Variants in TXNRD1 observed in about 807,000 individuals in gnomAD.
The protein encoded by TXNRD1 is thioredoxin reductase 1, cytoplasmic.
Under a neutral mutation model 80.3 loss-of-function variants are expected in TXNRD1, and 57 were observed. The observed-to-expected ratio is 0.71, with a 90% CI of 0.57 to 0.89. The LOEUF is 0.89. Among genes scored for constraint, TXNRD1 ranks in the 40% least tolerant of loss-of-function variants. The pLI is 0.00. For missense variants in TXNRD1, 730 were observed against 803.0 expected, an observed-to-expected ratio of 0.91 and a Z score of 1.10; for synonymous variants, 291 against 285.2, an observed-to-expected ratio of 1.02 and a Z score of -0.20.
intron 1 of TXNRD1, chr12:104,224,888 G>A (rs1451974892): frequency 2.2e-6 from 1 of 456,592 alleles, no homozygotes; most frequent in Non-Finnish European, 4.4e-6. Context: ...CTACAAATGG[G>A]ACATCTCAGG....
At chr12:104,252,885 G>T (rs1286591567) in intron 2 of TXNRD1, among the ~76,000 whole-genome samples, 1 of 150,630 alleles carries the variant, frequency 6.6e-6, no homozygotes, top group African/African-American at 2.4e-5. Flanking sequence ...TGTATTTTTA[G>T]TACAGACGGG....
chr12:104,235,461 G>T (rs2032719010), intron 1 of TXNRD1, among the ~76,000 whole-genome samples: 1 of 152,156 alleles, frequency 6.6e-6, no homozygotes, highest in Non-Finnish European at 1.5e-5. Flanking sequence ...CTTTAAAGAA[G>T]AACTCACTGT....
At chr12:104,248,221 G>A (rs1360343529) in intron 1 of TXNRD1, among the ~76,000 whole-genome samples, 1 of 151,752 alleles carries the variant, frequency 6.6e-6, no homozygotes, top group Non-Finnish European at 1.5e-5. Flanking sequence ...TAAAGTATAT[G>A]CATATATGTG....
chr12:104,262,777 T>TG (rs1242098698), intron 3 of TXNRD1, among the ~76,000 whole-genome samples: 6 of 93,722 alleles, frequency 6.4e-5, no homozygotes, highest in Admixed American at 6.3e-4. Context: ...GACTTGTTTG[T>TG]GTTTTTTTTT....
At chr12:104,267,202 T>C (rs1265586219) in intron 3 of TXNRD1, among the ~76,000 whole-genome samples, 1 of 149,950 alleles carries the variant, frequency 6.7e-6, no homozygotes, top group African/African-American at 2.4e-5. Flanking sequence ...TTAATAATAA[T>C]AGGAAGAAAC....
rs770219436 is a variant in TXNRD1, at chr12:104,258,044, G to T, written c.269G>T (p.Cys90Phe). The T allele has an allele frequency of 3.6e-5, 56 of 1,552,784 alleles. No homozygotes were observed. Among genetic ancestry groups the T allele is most frequent in the Non-Finnish European group, 3.8e-5 (44 of 1,147,624 alleles). ...TEVKKLFKSL[C>F]VPYFVLELDQ... is the part of the protein sequence containing the mutation. ...GTAAAGAAGTTATTTAAATCTCTGT[G>T]TGTTCCTTATTTTGTGCTTGAACTT... The change falls in exon 3 of 17, where the codon TGT becomes TTT. Residue 90 changes from cysteine to phenylalanine, a missense_variant. Physicochemically the swap from Cys to Phe is radical, Grantham distance 205 (BLOSUM62 -2). Coordinates refer to ENST00000525566, the MANE Select transcript of TXNRD1 (RefSeq NM_001093771.3).
At chr12:104,320,530 T>G (rs1413750864) in intron 9 of TXNRD1, among the ~76,000 whole-genome samples, 1 of 152,190 alleles carries the variant, frequency 6.6e-6, no homozygotes, top group Non-Finnish European at 1.5e-5. Context: ...TTCCAATATT[T>G]TTTAAAAACT....
chr12:104,273,604 C>T (rs548902982), intron 3 of TXNRD1, among the ~76,000 whole-genome samples: 1 of 151,674 alleles, frequency 6.6e-6, no homozygotes, highest in African/African-American at 2.4e-5. Context: ...AAAGAACAAA[C>T]ATACAAACAA....
chr12:104,231,489 A>G (rs2032623493), intron 1 of TXNRD1, among the ~76,000 whole-genome samples: 1 of 152,214 alleles, frequency 6.6e-6, no homozygotes, highest in Admixed American at 6.5e-5. Flanking sequence ...AGGGCTTAAT[A>G]AAGGGGTTAA....
At position 104,331,710 on chromosome 12, in the gene TXNRD1, A is replaced by G. The variant is rs1593860456; in HGVS notation, c.1650+69A>G. 8.7e-6 allele frequency: 9 copies of G among 1,029,648 alleles called. No individual in the cohort carries two copies. The East Asian group carries it at 1.8e-4, about 21-fold the overall frequency. The allele number at this position is 1,029,648 out of a possible 1,614,324, so 63.8% of individuals were successfully genotyped here. A position where few individuals can be genotyped will look rare whatever the true frequency, so the allele number is the denominator to read the frequency against. On this transcript the variant is annotated intron_variant, in intron 14 of 16. Transcript: ENST00000525566. ...TTTTTCTTCAGAATTTAAAATATAT[A>G]GAAGACTTAAAAAATAGTACAAAGC...
At chr12:104,290,451 G>T (rs891245786) in intron 4 of TXNRD1, among the ~76,000 whole-genome samples, 1 of 151,758 alleles carries the variant, frequency 6.6e-6, no homozygotes, top group Non-Finnish European at 1.5e-5. Context: ...CAGCACCTTG[G>T]GAGGCCGAGG....
chr12:104,303,722 C>A, intron 4 of TXNRD1: 1 of 787,330 alleles, frequency 1.3e-6, no homozygotes. Flanking sequence ...TCGCGCCGGG[C>A]CGGGCCGCTA....
intron 2 of TXNRD1, among the ~76,000 whole-genome samples, chr12:104,254,684 G>A (rs116471413): frequency 0.052 from 7,190 of 137,398 alleles, 263 homozygotes; most frequent in African/African-American, 0.08. Flanking sequence ...GTTTGCATGT[G>A]CCTGTAGTCC....
chr12:104,280,431 CTTTT>C (rs1316098550), intron 3 of TXNRD1: 1 of 152,304 alleles, frequency 6.6e-6, no homozygotes, highest in Non-Finnish European at 1.5e-5. Flanking sequence ...TTCTTTTCCC[CTTTT>C]GCAGTTTGAG....
At chr12:104,240,950 C>G (rs1475713267) in intron 1 of TXNRD1, among the ~76,000 whole-genome samples, 1 of 151,528 alleles carries the variant, frequency 6.6e-6, no homozygotes. Context: ...ACCGTGTTAG[C>G]CAGGATGGTC....
At chr12:104,220,145 A>G (rs947204435) in intron 1 of TXNRD1, among the ~76,000 whole-genome samples, 1 of 152,154 alleles carries the variant, frequency 6.6e-6, no homozygotes, top group Non-Finnish European at 1.5e-5. Context: ...GGAGGTTGCT[A>G]CTGCAGATCA....
At chr12:104,269,488 C>G (rs1838406285) in intron 3 of TXNRD1, among the ~76,000 whole-genome samples, 1 of 150,642 alleles carries the variant, frequency 6.6e-6, no homozygotes, top group Admixed American at 6.6e-5. Context: ...TGGCCTCAAC[C>G]TCCCGGGCTC....
At chr12:104,324,802 G>C (rs1377671310) in intron 10 of TXNRD1, among the ~76,000 whole-genome samples, 2 of 152,080 alleles carry the variant, frequency 1.3e-5, no homozygotes, top group Admixed American at 6.5e-5. Context: ...AACACCCCCT[G>C]GTTCTGATAA....
chr12:104,249,381 A>C (rs1244568988), intron 1 of TXNRD1, among the ~76,000 whole-genome samples: 2 of 152,128 alleles, frequency 1.3e-5, no homozygotes, highest in Admixed American at 6.6e-5. Flanking sequence ...GAGGTATAGA[A>C]GCATTCAGAT....
Sources: allele counts gnomAD v4.1 joint callset (sites outside exome capture counted in the v4.1 genomes callset), GRCh38; gene constraint gnomAD v4.1.1; transcripts MANE v1.5; gene names NCBI Gene and HGNC (gene_info 2026-07-23, HGNC 2026-07-21).